The following CTNNA3 variants were observed in gnomAD, a reference collection of about 807,000 sequenced individuals.
CTNNA3 encodes the protein catenin alpha-3.
CTNNA3 carries 76 observed loss-of-function variants against 95.7 expected under a neutral mutation model. The observed-to-expected ratio is 0.79, with a 90% CI of 0.66 to 0.96. The LOEUF (loss-of-function observed/expected upper bound fraction) is 0.96, where lower values mean the gene tolerates loss of function less well. Among genes scored for constraint, CTNNA3 ranks in the 40% least tolerant of loss-of-function variants. The pLI is 0.00. For synonymous variants in CTNNA3, 431 were observed against 374.4 expected, an observed-to-expected ratio of 1.15 and a Z score of -1.74; for missense variants, 1,191 against 1,089.8, an observed-to-expected ratio of 1.09 and a Z score of -1.31.
intron 1 of CTNNA3, among the ~76,000 whole-genome samples, chr10:67,717,639 A>C (rs980481309): frequency 2.0e-5 from 3 of 151,888 alleles, no homozygotes; most frequent in African/African-American, 7.3e-5. Flanking sequence ...GATTTGTGGC[A>C]TTATTTCTGA....
intron 6 of CTNNA3, among the ~76,000 whole-genome samples, chr10:67,217,893 A>G (rs539576737): frequency 5.4e-5 from 8 of 148,796 alleles, no homozygotes; most frequent in Middle Eastern, 3.4e-3. Context: ...ATGTGATGGC[A>G]CTAGGGAAAA....
chr10:66,577,032 ATG>A (rs1843027034), intron 10 of CTNNA3, among the ~76,000 whole-genome samples: 1 of 103,852 alleles, frequency 9.6e-6, no homozygotes, highest in African/African-American at 3.0e-5. Flanking sequence ...ATTCTGACTG[ATG>A]TGAGATAGTA....
chr10:67,238,162 G>T (rs1258822880), intron 5 of CTNNA3, among the ~76,000 whole-genome samples: 1 of 152,128 alleles, frequency 6.6e-6, no homozygotes, highest in Non-Finnish European at 1.5e-5. Flanking sequence ...ATCAGCACAA[G>T]ATCCAAATGA....
intron 7 of CTNNA3, among the ~76,000 whole-genome samples, chr10:67,021,577 C>A (rs1288009180): frequency 6.6e-6 from 1 of 151,690 alleles, no homozygotes; most frequent in Non-Finnish European, 1.5e-5. Flanking sequence ...AAATTATAAT[C>A]ATGAAAGTTA....
chr10:67,065,205 C>T (rs534013116), intron 7 of CTNNA3, among the ~76,000 whole-genome samples: 1 of 152,220 alleles, frequency 6.6e-6, no homozygotes, highest in South Asian at 2.1e-4. Context: ...TGACACATAT[C>T]GGGAGACACA....
At chr10:66,903,376 C>A (rs1845839886) in intron 7 of CTNNA3, among the ~76,000 whole-genome samples, 1 of 152,166 alleles carries the variant, frequency 6.6e-6, no homozygotes, top group Non-Finnish European at 1.5e-5. Context: ...TGGAATGTAT[C>A]TCAGAATAAT....
chr10:66,980,949 C>T (rs974516990), intron 7 of CTNNA3, among the ~76,000 whole-genome samples: 13 of 152,028 alleles, frequency 8.6e-5, no homozygotes, highest in African/African-American at 3.1e-4. Flanking sequence ...TCTTGTTGCC[C>T]AGGCTGGAGT....
intron 10 of CTNNA3, among the ~76,000 whole-genome samples, chr10:66,531,016 G>GA (rs1841448624): frequency 6.6e-6 from 1 of 151,996 alleles, no homozygotes; most frequent in South Asian, 2.1e-4. Context: ...TAATAAGTGG[G>GA]AAAAATAATG....
chr10:66,730,332 C>T (rs1024534450), intron 9 of CTNNA3, among the ~76,000 whole-genome samples: 2 of 152,118 alleles, frequency 1.3e-5, no homozygotes, highest in African/African-American at 2.4e-5. Flanking sequence ...CCATTATGCT[C>T]AGCAAACTAA....
chr10:66,323,070 A>C (rs1589085052), intron 12 of CTNNA3, among the ~76,000 whole-genome samples: 1 of 152,046 alleles, frequency 6.6e-6, no homozygotes, highest in East Asian at 1.9e-4. Flanking sequence ...GTATCTGGTA[A>C]CTTCTGCTTT....
chr10:67,141,303 A>AT (rs57772222), intron 7 of CTNNA3, among the ~76,000 whole-genome samples: 79,485 of 151,024 alleles, frequency 0.53, 20,994 homozygotes, highest in Middle Eastern at 0.66. Context: ...GCACTCTAAG[A>AT]TTTTTTTTTT....
intron 4 of CTNNA3, among the ~76,000 whole-genome samples, chr10:67,530,755 C>T (rs886125470): frequency 4.6e-5 from 7 of 152,184 alleles, no homozygotes; most frequent in African/African-American, 1.7e-4. Context: ...GGGAAAATGT[C>T]TCCAGGGCAT....
intron 11 of CTNNA3, among the ~76,000 whole-genome samples, chr10:66,398,782 G>C (rs533221727): frequency 6.6e-6 from 1 of 152,062 alleles, no homozygotes; most frequent in South Asian, 2.1e-4. Context: ...AAAGAGTGCA[G>C]TTAGCCTACA....
chr10:67,597,969 A>G (rs944725996), intron 3 of CTNNA3, among the ~76,000 whole-genome samples: 1 of 152,172 alleles, frequency 6.6e-6, no homozygotes, highest in Non-Finnish European at 1.5e-5. Flanking sequence ...ACAGGAAAGT[A>G]TATCAGCTGG....
chr10:66,933,681 T>C (rs1847533581), intron 7 of CTNNA3, among the ~76,000 whole-genome samples: 1 of 152,186 alleles, frequency 6.6e-6, no homozygotes, highest in Admixed American at 6.5e-5. Flanking sequence ...GAAATTACTA[T>C]TGACTTTATC....
At chr10:65,976,173 C>T (rs1181578262) in intron 16 of CTNNA3, among the ~76,000 whole-genome samples, 1 of 152,102 alleles carries the variant, frequency 6.6e-6, no homozygotes, top group African/African-American at 2.4e-5. Context: ...CAGTATCAGT[C>T]TTCTTGCCAA....
intron 7 of CTNNA3, among the ~76,000 whole-genome samples, chr10:67,045,354 T>C (rs1854661709): frequency 6.6e-6 from 1 of 152,198 alleles, no homozygotes; most frequent in Non-Finnish European, 1.5e-5. Flanking sequence ...GCAGAAACCC[T>C]GGAGGTCACC....
rs144022356 is a variant in CTNNA3 at position 66,513,793 on chromosome 10, G to A, written c.1531+6824C>T. Among the ~76,000 whole-genome samples, 6 of 152,318 alleles carry A rather than the reference G, an allele frequency of 3.9e-5. No homozygotes were observed. In the East Asian group the frequency reaches 1.2e-3, roughly 29 times the overall value. On this transcript the variant is annotated intron_variant, in intron 11 of 17. Coordinates refer to ENST00000433211, the MANE Select transcript of CTNNA3 (RefSeq NM_013266.4). ...GAAGGTGGCTCTCAGGCTCTTGGAA[G>A]CATGTGCTTTGGATTTCTATGTCCT...
At chr10:66,834,681 G>A (rs1842831626) in intron 7 of CTNNA3, among the ~76,000 whole-genome samples, 1 of 152,130 alleles carries the variant, frequency 6.6e-6, no homozygotes, top group South Asian at 2.1e-4. Flanking sequence ...CATTCTAAGC[G>A]TTCATGAAAA....
Sources: gnomAD v4.1 joint callset for allele counts (sites outside exome capture counted in the v4.1 genomes callset) on GRCh38, gnomAD v4.1.1 for gene constraint, MANE v1.5 for transcripts, NCBI Gene and HGNC (gene_info 2026-07-23, HGNC 2026-07-21) for gene names.